CDH13: variants seen among roughly 807,000 people sequenced by gnomAD.
CDH13 encodes cadherin-13.
CDH13 carries 24 observed loss-of-function variants against 63.8 expected under a neutral mutation model. The observed-to-expected ratio is 0.38, with a 90% CI of 0.27 to 0.53. The LOEUF is 0.53. CDH13 is among the 20% of genes least tolerant of loss of function. The pLI, the probability that CDH13 is intolerant of heterozygous loss-of-function variation, is 0.85. For missense variants in CDH13, 1,049 were observed against 903.1 expected (o/e 1.16, Z -2.07); for synonymous variants, 503 against 355.3 (o/e 1.42, Z -4.67).
intron 1 of CDH13, among the ~76,000 whole-genome samples, chr16:82,844,156 G>A (rs1202239568): frequency 6.6e-6 from 1 of 152,134 alleles, no homozygotes; most frequent in African/African-American, 2.4e-5. Flanking sequence ...GAAGTAGGAG[G>A]AGCCAGAGTT....
intron 1 of CDH13, among the ~76,000 whole-genome samples, chr16:82,660,071 A>T (rs1196255460): frequency 6.6e-6 from 1 of 152,160 alleles, no homozygotes; most frequent in Non-Finnish European, 1.5e-5. Flanking sequence ...TGGGAAAATG[A>T]CATAAATTTT....
intron 4 of CDH13, among the ~76,000 whole-genome samples, chr16:83,161,968 C>G (rs907018120): frequency 6.6e-5 from 10 of 152,200 alleles, no homozygotes; most frequent in African/African-American, 2.2e-4. Flanking sequence ...CCATCTTTTT[C>G]TATCAGTGCC....
intron 1 of CDH13, among the ~76,000 whole-genome samples, chr16:82,702,688 A>G (rs548882025): frequency 9.8e-5 from 15 of 152,288 alleles, no homozygotes; most frequent in Admixed American, 2.6e-4. Flanking sequence ...AATTCTGACA[A>G]TGTGTAAGCA....
chr16:83,220,498 A>C (rs550404189), intron 5 of CDH13, among the ~76,000 whole-genome samples: 6 of 152,174 alleles, frequency 3.9e-5, no homozygotes, highest in South Asian at 2.1e-4. Context: ...TAGTCTTGCA[A>C]GTTTAAAAAG....
At chr16:83,060,893 A>G (rs953310291) in intron 3 of CDH13, among the ~76,000 whole-genome samples, 3 of 152,120 alleles carry the variant, frequency 2.0e-5, no homozygotes, top group Non-Finnish European at 2.9e-5. Flanking sequence ...TCCAACTGGT[A>G]CTACTTGATA....
At chr16:83,546,641 C>A (rs1437597706) in intron 7 of CDH13, among the ~76,000 whole-genome samples, 1 of 152,144 alleles carries the variant, frequency 6.6e-6, no homozygotes, top group Non-Finnish European at 1.5e-5. Context: ...AAATTCACCT[C>A]CTATTCTGGG....
chr16:83,041,406 A>C (rs964189232), intron 3 of CDH13, among the ~76,000 whole-genome samples: 12 of 152,168 alleles, frequency 7.9e-5, no homozygotes, highest in African/African-American at 2.7e-4. Context: ...CCAAAAAAAA[A>C]ATAAAAGGAG....
At chr16:83,207,691 A>C (rs944788027) in intron 4 of CDH13, among the ~76,000 whole-genome samples, 1 of 152,050 alleles carries the variant, frequency 6.6e-6, no homozygotes, top group African/African-American at 2.4e-5. Context: ...GTTATTAGCC[A>C]CATTAGTATA....
At chr16:83,763,294 G>A (rs183770496) in intron 11 of CDH13, among the ~76,000 whole-genome samples, 2 of 152,178 alleles carry the variant, frequency 1.3e-5, no homozygotes, top group Admixed American at 1.3e-4. Flanking sequence ...TTTTTCATAG[G>A]CTAAGATATA....
At chr16:83,719,034 T>A (rs758781871) in intron 10 of CDH13, among the ~76,000 whole-genome samples, 9 of 152,214 alleles carry the variant, frequency 5.9e-5, no homozygotes, top group Non-Finnish European at 7.3e-5. Flanking sequence ...TGGCCTGATA[T>A]GCACTGTAGG....
intron 1 of CDH13, among the ~76,000 whole-genome samples, chr16:82,631,746 A>G (rs1908033012): frequency 6.6e-6 from 1 of 152,230 alleles, no homozygotes; most frequent in Admixed American, 6.5e-5. Context: ...GTGGAAAGTC[A>G]TCTTTCTCTG....
chr16:82,732,126 A>G (rs2033435647), intron 1 of CDH13, among the ~76,000 whole-genome samples: 1 of 152,198 alleles, frequency 6.6e-6, no homozygotes, highest in African/African-American at 2.4e-5. Flanking sequence ...TAAATGATGA[A>G]TTATGTGCTG....
chr16:83,393,360 A>G (rs907425927), intron 6 of CDH13, among the ~76,000 whole-genome samples: 9 of 152,212 alleles, frequency 5.9e-5, no homozygotes, highest in Non-Finnish European at 1.0e-4. Flanking sequence ...TTCTGAGCAT[A>G]CATGCTTGTT....
At chr16:83,375,891 G>A (rs1042694402) in intron 6 of CDH13, among the ~76,000 whole-genome samples, 1 of 152,190 alleles carries the variant, frequency 6.6e-6, no homozygotes. Context: ...GGGCTGGAAA[G>A]GCCATGATAC....
intron 5 of CDH13, among the ~76,000 whole-genome samples, chr16:83,224,975 C>G (rs896731473): frequency 6.6e-6 from 1 of 152,204 alleles, no homozygotes; most frequent in Non-Finnish European, 1.5e-5. Flanking sequence ...GTCAGTAACT[C>G]TCTGTAAAAG....
chr16:83,252,575 C>T (rs567322149), intron 5 of CDH13, among the ~76,000 whole-genome samples: 1 of 152,204 alleles, frequency 6.6e-6, no homozygotes, highest in South Asian at 2.1e-4. Flanking sequence ...TGACATGTTG[C>T]AAGCAGTTGT....
At chr16:83,658,868 G>C (rs1362215549) in intron 8 of CDH13, among the ~76,000 whole-genome samples, 2 of 137,700 alleles carry the variant, frequency 1.5e-5, no homozygotes, top group African/African-American at 2.8e-5. Flanking sequence ...CACCAGCAAG[G>C]TCTCCTGTCC....
chr16:83,280,859 T>C (rs557445601), intron 5 of CDH13, among the ~76,000 whole-genome samples: 3 of 152,246 alleles, frequency 2.0e-5, no homozygotes, highest in Non-Finnish European at 4.4e-5. Flanking sequence ...CAATGAGCAG[T>C]AACATTTTGA....
intron 1 of CDH13, among the ~76,000 whole-genome samples, chr16:82,776,960 C>G (rs1453630247): frequency 5.9e-5 from 9 of 152,188 alleles, no homozygotes; most frequent in Admixed American, 1.3e-4. Flanking sequence ...TCACAGACAT[C>G]TCATTTACAT....
Sources: gnomAD v4.1 joint callset for allele counts (sites outside exome capture counted in the v4.1 genomes callset) on GRCh38, gnomAD v4.1.1 for gene constraint, MANE v1.5 for transcripts, NCBI Gene and HGNC (gene_info 2026-07-23, HGNC 2026-07-21) for gene names.